Variants in MYH4 observed in about 807,000 individuals in gnomAD.
The protein encoded by MYH4 is myosin-4.
MYH4 carries 200 observed loss-of-function variants against 229.9 expected under a neutral mutation model. The observed-to-expected ratio is 0.87, with a 90% confidence interval of 0.78 to 0.98. The LOEUF (loss-of-function observed/expected upper bound fraction) is 0.98. Ranked by LOEUF, MYH4 falls within the 50% of genes least tolerant of loss-of-function variation. MYH4 has a pLI of 0.00. For missense variants in MYH4, 2,148 were observed against 2,332.6 expected (o/e 0.92, Z 1.63); for synonymous variants, 761 against 834.6 (o/e 0.91, Z 1.52).
Position 10,444,778 on chromosome 17 carries a change from A to G in MYH4, c.5571+17T>C, listed in dbSNP as rs1597413243. ...CTTGAAAACTATAGGCCTGGAAGAT[A>G]TGAAAACACTGGTCACCTGGTAAGT... On this transcript the variant is annotated intron_variant, in intron 38 of 39. Transcript: ENST00000255381. The G allele has an allele frequency of 3.1e-6, 5 of 1,613,642 alleles. No individual in the cohort carries two copies. The highest frequency in any genetic ancestry group is 4.2e-6 in the Non-Finnish European group (5 of 1,179,590).
chr17:10,447,842 A>C lies in MYH4; in HGVS notation c.4941T>G (p.Leu1647=). Residue 1647 remains leucine, a synonymous_variant, in exon 34 of 40, where the codon CTT becomes CTG. Transcript: ENST00000255381. ...CCTTCAGTATTCCTTGTGTGTTTCTAAGATTCCTTAGTGCCTCAGCAGCCT... is the reference window on the plus strand; with the variant it reads ...CCTTCAGTATTCCTTGTGTGTTTCTCAGATTCCTTAGTGCCTCAGCAGCCT... The part of the protein sequence containing the change: ...NRQAAEALRN[L]RNTQGILKDT... The C allele has an allele frequency of 6.2e-7, 1 of 1,612,806 alleles. No homozygotes were observed. The highest frequency in any genetic ancestry group is 1.3e-5 in the African/African-American group (1 of 75,004).
At position 10,448,381 on chromosome 17, in the gene MYH4, A is replaced by C; in HGVS notation, c.4656+15T>G. The C allele has an allele frequency of 1.2e-6, 2 of 1,605,610 alleles. No individual in the cohort carries two copies. The highest frequency in any genetic ancestry group is 1.1e-5 in the South Asian group (1 of 88,620). On this transcript the variant is annotated intron_variant, in intron 33 of 39. Transcript: ENST00000255381. Reference sequence around the variant, plus strand: ...ATTTATTTATAATGCAGAGCTAAGCAAATGAAAAATGTACCTCTGCTTCCT... The same window carrying C: ...ATTTATTTATAATGCAGAGCTAAGCCAATGAAAAATGTACCTCTGCTTCCT...
chr17:10,450,792 T>C lies in MYH4; in HGVS notation c.3969A>G (p.Leu1323=). Residue 1323 remains leucine, a synonymous_variant, in exon 29 of 40, where the codon CTA becomes CTG. Transcript: ENST00000255381. ...GAATTCTCACCTTAGTCTCCTCTTC[T>C]AGCTGCCTCTTTAATTCTTCAATCT... is the stretch of plus-strand genomic sequence containing the variant. ...TQQIEELKRQ[L]EEETKAKSTL... 3 of 1,613,776 alleles carry C rather than the reference T, an allele frequency of 1.9e-6. No individual in the cohort carries two copies. Among genetic ancestry groups the C allele is most frequent in the Non-Finnish European group, 2.5e-6 (3 of 1,179,672 alleles).
In MYH4 at chr17:10,463,180, C is replaced by T. The variant is rs1283448111; in HGVS notation, c.814G>A (p.Glu272Lys). The T allele has an allele frequency of 1.9e-6, 3 of 1,611,946 alleles. No individual in the cohort carries two copies. Among genetic ancestry groups the T allele is most frequent in the Non-Finnish European group, 2.5e-6 (3 of 1,178,642 alleles). The change falls in exon 10 of 40, where the codon GAG becomes AAG. Residue 272 changes from glutamate to lysine, a missense_variant. Coordinates refer to ENST00000255381, the MANE Select transcript of MYH4 (RefSeq NM_017533.2). ...ASADIETYLL[E>K]KSRVTFQLKA... ...AGCTGAAAAGTAACTCGGGACTTCT[C>T]TAGCAGATCTGGAAGTCAGATTAAG...
rs1567697668 is a variant in MYH4, at chr17:10,445,371, A to G, written c.5170-9T>C. The G allele has an allele frequency of 6.3e-7, 1 of 1,598,078 alleles. No homozygotes were observed. Among genetic ancestry groups the G allele is most frequent in the Non-Finnish European group, 8.5e-7 (1 of 1,174,420 alleles). On this transcript the variant is annotated splice_polypyrimidine_tract_variant and intron_variant, in intron 35 of 39. Transcript: ENST00000255381. ...TTGATCAGGCTGGTGTTCTGTTTCA[A>G]ATTAATGAAAGAGAAGAGAAGCACA...
At chr17:10,464,209 A>C (rs984135884) in intron 7 of MYH4, among the ~76,000 whole-genome samples, 2 of 151,876 alleles carry the variant, frequency 1.3e-5, no homozygotes, top group African/African-American at 4.8e-5. Flanking sequence ...TATTCTTCCC[A>C]TCTTTATGCC....
intron 2 of MYH4, among the ~76,000 whole-genome samples, chr17:10,467,588 T>C (rs1242435168): frequency 1.3e-5 from 2 of 152,224 alleles, no homozygotes; most frequent in Non-Finnish European, 2.9e-5. Flanking sequence ...TGATTGTATG[T>C]GTTGATCTGT....
rs761037249 is a variant in MYH4 at position 10,453,152 on chromosome 17, A to T, written c.3111T>A (p.Asp1037Glu). 6.2e-7 allele frequency: 1 copy of T among 1,614,136 alleles called. No homozygotes were observed. The highest frequency in any genetic ancestry group is 8.5e-7 in the Non-Finnish European group (1 of 1,180,022). ...AKTKLEQQVD[D>E]LEGSLEQEKK... ...GAAACATTTTCTTTTTCACACTTACATCGTCCACTTGCTGTTCTAGCTTGG... is the reference window on the plus strand; with the variant it reads ...GAAACATTTTCTTTTTCACACTTACTTCGTCCACTTGCTGTTCTAGCTTGG... Residue 1037 changes from aspartate to glutamate, a missense_variant and splice_region_variant, in exon 24 of 40, where the codon GAT (aspartate) becomes GAA (glutamate). Coordinates refer to ENST00000255381, the MANE Select transcript of MYH4 (RefSeq NM_017533.2).
chr17:10,456,898 C>T (rs1016990581), intron 16 of MYH4, among the ~76,000 whole-genome samples: 1 of 152,234 alleles, frequency 6.6e-6, no homozygotes, highest in Non-Finnish European at 1.5e-5. Context: ...TAGTGCAGGC[C>T]TCACTTGGAC....
Position 10,459,853 on chromosome 17 carries a change from A to G in MYH4, c.1416+99T>C, listed in dbSNP as rs2072681301. ...TCAAAGACTCCTTTCAGTAGGAATT[A>G]CATTTGTATATTTTGTAAGGTACAT... On this transcript the variant is annotated intron_variant, in intron 14 of 39. Coordinates refer to ENST00000255381, the MANE Select transcript of MYH4 (RefSeq NM_017533.2). 8.8e-6 allele frequency: 14 copies of G among 1,598,642 alleles called. No homozygotes were observed. In the South Asian group the frequency reaches 1.6e-4, roughly 18 times the overall value.
Position 10,466,716 on chromosome 17 carries a change from A to C in MYH4, c.30T>G (p.Phe10Leu). The C allele has an allele frequency of 6.2e-7, 1 of 1,614,204 alleles. No homozygotes were observed. The change falls in exon 3 of 40, where the codon TTT (phenylalanine) becomes TTG (leucine). Residue 10 changes from phenylalanine to leucine, a missense_variant. Coordinates refer to ENST00000255381, the MANE Select transcript of MYH4 (RefSeq NM_017533.2). Reference sequence around the variant, plus strand: ...TTCGGAGGAAAGGAGCAGCCTCCCCAAAAATGGCCATCTCAGAGTCAGAAC... The same window carrying C: ...TTCGGAGGAAAGGAGCAGCCTCCCCCAAAATGGCCATCTCAGAGTCAGAAC... MSSDSEMAI[F>L]GEAAPFLRKS...
chr17:10,462,088 G>C (rs1014869174), intron 11 of MYH4, among the ~76,000 whole-genome samples: 2 of 152,076 alleles, frequency 1.3e-5, no homozygotes, highest in Admixed American at 1.3e-4. Context: ...ATGAATTATT[G>C]ACTTCTTGAA....
At chr17:10,455,143 T>C in intron 20 of MYH4, 29 bp downstream of exon 20, 1 of 1,614,162 alleles carries the variant, frequency 6.2e-7, no homozygotes, top group Non-Finnish European at 8.5e-7. Context: ...GATAGAATTA[T>C]GACAGATAGA....
At chr17:10,457,107 C>A (rs1160002133) in intron 16 of MYH4, among the ~76,000 whole-genome samples, 1 of 152,220 alleles carries the variant, frequency 6.6e-6, no homozygotes, top group Non-Finnish European at 1.5e-5. Flanking sequence ...AGCTGGAGAA[C>A]CTTGAAAGAA....
intron 2 of MYH4, 86 bp from the exon 3 acceptor site, chr17:10,466,870 C>A: frequency 8.0e-7 from 1 of 1,243,652 alleles, no homozygotes; most frequent in South Asian, 1.4e-5. Context: ...GCTTAATTTT[C>A]CATGCTTGTT....
rs151253822 is a variant in MYH4 at position 10,450,842 on chromosome 17, G to A, written c.3919C>T (p.Arg1307Ter). 52 of 1,613,914 alleles carry A rather than the reference G, an allele frequency of 3.2e-5. No homozygotes were observed. Among genetic ancestry groups the A allele is most frequent in the East Asian group, 4.5e-5 (2 of 44,896 alleles). ...EKDAMVSQLS[R>*]GKQAFTQQIE... ...TGTTGTGTAAATGCTTGTTTGCCTC[G>A]GGATAGCTGAGAAACCATAGCATCT... is the stretch of plus-strand genomic sequence containing the variant. The change falls in exon 29 of 40, where the codon CGA (arginine) becomes TGA (stop). Residue 1307 changes from arginine (R) to a stop codon, truncating the protein, a stop_gained. Coordinates refer to ENST00000255381, the MANE Select transcript of MYH4 (RefSeq NM_017533.2). LOFTEE classifies it high-confidence loss of function.
chr17:10,460,984 A>G lies in MYH4; in HGVS notation c.1079T>C (p.Met360Thr), dbSNP rs754065011. The change falls in exon 12 of 40, where the codon ATG becomes ACG. Residue 360 changes from methionine to threonine, a missense_variant. By Grantham distance (81) the Met-to-Thr change is moderately conservative (BLOSUM62 -1). Transcript: ENST00000255381. ...VAIYKLTGAV[M>T]HYGNMKFKQK... is the part of the protein sequence containing the mutation. ...CTTGAATTTCATGTTCCCATAATGCATCACGGCTCCAGTGAGCTTGTAAAT... is the reference window on the plus strand; with the variant it reads ...CTTGAATTTCATGTTCCCATAATGCGTCACGGCTCCAGTGAGCTTGTAAAT... 6.2e-7 allele frequency: 1 copy of G among 1,614,104 alleles called. No homozygotes were observed. Among genetic ancestry groups the G allele is most frequent in the Non-Finnish European group, 8.5e-7 (1 of 1,180,004 alleles).
At chr17:10,451,278 T>C (rs757320364) in intron 28 of MYH4, 48 bp downstream of exon 28, 2 of 1,600,104 alleles carry the variant, frequency 1.2e-6, no homozygotes, top group South Asian at 2.3e-5. Flanking sequence ...TAAAGGCTTG[T>C]CTTTCATTCG....
In MYH4 at chr17:10,452,472, T is replaced by C. The variant is rs1206134518; in HGVS notation, c.3292A>G (p.Ile1098Val). Residue 1098 changes from isoleucine (I) to valine (V), a missense_variant, in exon 26 of 40, where the codon ATT becomes GTT. By Grantham distance (29) the Ile-to-Val change is conservative (BLOSUM62 3). Coordinates refer to ENST00000255381, the MANE Select transcript of MYH4 (RefSeq NM_017533.2). Reference sequence around the variant, plus strand: ...ATTGCAAGGGCTTGTTCATCTTCAATCTTGCCTTGCAGATTGCTCATTTCA... The same window carrying C: ...ATTGCAAGGGCTTGTTCATCTTCAACCTTGCCTTGCAGATTGCTCATTTCA... ...EFEMSNLQGKIEDEQALAIQL... is the reference protein window; with the variant it reads ...EFEMSNLQGKVEDEQALAIQL... 3 of 1,614,166 alleles carry C rather than the reference T, an allele frequency of 1.9e-6. No homozygotes were observed. The South Asian group carries it at 3.3e-5, about 18-fold the overall frequency.
Sources: gnomAD v4.1 joint callset for allele counts (sites outside exome capture counted in the v4.1 genomes callset) on GRCh38, gnomAD v4.1.1 for gene constraint, MANE v1.5 for transcripts, NCBI Gene and HGNC (gene_info 2026-07-23, HGNC 2026-07-21) for gene names.